Variants in SPECC1L observed in about 807,000 individuals in gnomAD.
The protein encoded by SPECC1L is sperm antigen with calponin homology and coiled-coil domains 1 like.
A neutral mutation model predicts 116.8 loss-of-function variants in SPECC1L; 40 were observed. The ratio of observed to expected loss-of-function variants is 0.34; its 90% CI spans 0.27 to 0.45. The LOEUF (loss-of-function observed/expected upper bound fraction) is 0.45. SPECC1L is among the 20% of genes least tolerant of loss of function. The probability of loss-of-function intolerance (pLI) is 1.00; values close to 1 mark genes in which losing one functional copy is unlikely to be tolerated. For synonymous variants in SPECC1L, 504 were observed against 500.6 expected, an observed-to-expected ratio of 1.01 and a Z score of -0.09; for missense variants, 1,110 against 1,373.6, an observed-to-expected ratio of 0.81 and a Z score of 3.03.
chr22:24,283,892 G>A (rs766375673), intron 2 of SPECC1L, among the ~76,000 whole-genome samples: 2 of 152,068 alleles, frequency 1.3e-5, no homozygotes, highest in Non-Finnish European at 2.9e-5. Context: ...GCATAAAGTG[G>A]TTTCTAACAG....
At chr22:24,295,959 A>G (rs2049253291) in intron 2 of SPECC1L, among the ~76,000 whole-genome samples, 2 of 152,232 alleles carry the variant, frequency 1.3e-5, no homozygotes, top group South Asian at 4.1e-4. Flanking sequence ...AAAAACAAAA[A>G]GTATACCAGC....
chr22:24,412,728 G>A (rs1294334120), intron 16 of SPECC1L, 21 bp downstream of exon 16: 1 of 1,612,890 alleles, frequency 6.2e-7, no homozygotes, highest in Non-Finnish European at 8.5e-7. Flanking sequence ...GTCCCCCTGA[G>A]TCACTGGCAG....
intron 14 of SPECC1L, among the ~76,000 whole-genome samples, chr22:24,399,330 G>A (rs1020264720): frequency 4.6e-5 from 7 of 152,210 alleles, no homozygotes; most frequent in African/African-American, 1.7e-4. Flanking sequence ...CAGCACTTTG[G>A]GAGGCCGAGG....
chr22:24,381,368 ATATTT>A (rs2042058509), intron 14 of SPECC1L, among the ~76,000 whole-genome samples: 1 of 152,242 alleles, frequency 6.6e-6, no homozygotes, highest in South Asian at 2.1e-4. Context: ...AATGAACAAA[ATATTT>A]TAGTGCTGCC....
At chr22:24,358,469 T>A (rs2041577003) in intron 11 of SPECC1L, among the ~76,000 whole-genome samples, 1 of 152,206 alleles carries the variant, frequency 6.6e-6, no homozygotes, top group African/African-American at 2.4e-5. Flanking sequence ...AGCAAGCAGT[T>A]AACTTGGCTC....
chr22:24,364,398 C>T (rs1462288988), intron 12 of SPECC1L, among the ~76,000 whole-genome samples: 1 of 152,130 alleles, frequency 6.6e-6, no homozygotes, highest in Non-Finnish European at 1.5e-5. Context: ...TGCGGTGGCT[C>T]ATGCCTGTAA....
intron 5 of SPECC1L, 32 bp downstream of exon 5, chr22:24,322,950 C>A (rs2040749860): frequency 1.1e-5 from 18 of 1,611,880 alleles, no homozygotes; most frequent in Non-Finnish European, 1.5e-5. Context: ...ATGTTCCGGA[C>A]AGCATTAGGC....
rs530724725 is a variant in SPECC1L, at chr22:24,404,369, A to G, written c.3088-7219A>G. Among the ~76,000 whole-genome samples, 58 of 152,288 alleles carry G rather than the reference A, an allele frequency of 3.8e-4. 3 individuals are homozygous for G. In the South Asian group the frequency reaches 0.012, roughly 31 times the overall value. ...TCAGCACCACCAAGCACCTTTGGGT[A>G]TCTCCAAGGTATCTTGAACTTAAGG... is the stretch of plus-strand genomic sequence containing the variant. On this transcript the variant is annotated intron_variant, in intron 14 of 16. Coordinates refer to ENST00000314328, the MANE Select transcript of SPECC1L (RefSeq NM_015330.6).
intron 14 of SPECC1L, among the ~76,000 whole-genome samples, chr22:24,386,325 GGAGGCT>G (rs1382570239): frequency 6.6e-6 from 1 of 152,028 alleles, no homozygotes; most frequent in Non-Finnish European, 1.5e-5. Flanking sequence ...AGCTCTATTG[GGAGGCT>G]GAGGCAGGAG....
chr22:24,358,155 C>T (rs184418905), intron 11 of SPECC1L, among the ~76,000 whole-genome samples: 1 of 148,478 alleles, frequency 6.7e-6, no homozygotes, highest in East Asian at 2.0e-4. Context: ...CACTCTGTCA[C>T]CCAGGTTGGA....
intron 4 of SPECC1L, among the ~76,000 whole-genome samples, chr22:24,316,610 A>G (rs1162906027): frequency 2.7e-5 from 4 of 149,500 alleles, no homozygotes; most frequent in African/African-American, 1.0e-4. Context: ...GTCACAGATC[A>G]ACAGGATCCC....
intron 10 of SPECC1L, 92 bp from the exon 11 acceptor site, chr22:24,346,994 G>A: frequency 9.9e-7 from 1 of 1,008,760 alleles, no homozygotes; most frequent in East Asian, 2.5e-5. Context: ...AATTAATACG[G>A]ATTTATAACT....
chr22:24,287,125 G>A (rs1372105236), intron 2 of SPECC1L, among the ~76,000 whole-genome samples: 2 of 152,196 alleles, frequency 1.3e-5, no homozygotes, highest in Admixed American at 1.3e-4. Flanking sequence ...TGATGCACGA[G>A]CAGTTATTTC....
At chr22:24,349,230 G>A (rs191783135) in intron 11 of SPECC1L, among the ~76,000 whole-genome samples, 9 of 152,214 alleles carry the variant, frequency 5.9e-5, no homozygotes, top group African/African-American at 2.2e-4. Context: ...TAGTAGAGAC[G>A]GGGTTTTGCC....
Position 24,322,860 on chromosome 22 carries a change from A to G in SPECC1L, c.1880A>G (p.Gln627Arg). 6.2e-7 allele frequency: 1 copy of G among 1,613,590 alleles called. No individual in the cohort carries two copies. The highest frequency in any genetic ancestry group is 1.1e-5 in the South Asian group (1 of 90,984). The change falls in exon 5 of 17, where the codon CAG becomes CGG. Residue 627 changes from glutamine to arginine, a missense_variant. By Grantham distance (43) the Gln-to-Arg change is conservative. Around this residue, in one of 4 missense-constraint regions of SPECC1L, gnomAD observed 575 missense variants for 682.4 expected, o/e 0.84. Coordinates refer to ENST00000314328, the MANE Select transcript of SPECC1L (RefSeq NM_015330.6). ...EKAETLASSL[Q>R]EDLAHTRNDA... Reference sequence around the variant, plus strand: ...GCAGAGACTTTGGCTAGTAGCTTGCAGGAAGATCTGGCTCATACCCGAAAT... The same window carrying G: ...GCAGAGACTTTGGCTAGTAGCTTGCGGGAAGATCTGGCTCATACCCGAAAT...
At chr22:24,317,062 G>T (rs550028943) in intron 4 of SPECC1L, among the ~76,000 whole-genome samples, 15 of 118,534 alleles carry the variant, frequency 1.3e-4, no homozygotes, top group Admixed American at 3.5e-4. Flanking sequence ...CCTCCCGGAG[G>T]GGGTGGCTGG....
intron 14 of SPECC1L, among the ~76,000 whole-genome samples, chr22:24,384,833 T>G (rs2042129480): frequency 6.6e-6 from 1 of 152,098 alleles, no homozygotes; most frequent in African/African-American, 2.4e-5. Context: ...TCCCAGCACT[T>G]TGGGAGGCCA....
chr22:24,376,923 A>C (rs1175999460), intron 14 of SPECC1L, among the ~76,000 whole-genome samples: 1 of 151,546 alleles, frequency 6.6e-6, no homozygotes, highest in African/African-American at 2.4e-5. Context: ...TTTTTTTTTA[A>C]GTGTATTCAG....
intron 4 of SPECC1L, among the ~76,000 whole-genome samples, chr22:24,315,181 T>C (rs1005209044): frequency 6.6e-6 from 1 of 152,260 alleles, no homozygotes; most frequent in Non-Finnish European, 1.5e-5. Context: ...AGCCCAGGAT[T>C]ACCTACTGTC....
Sources: allele counts gnomAD v4.1 joint callset (sites outside exome capture counted in the v4.1 genomes callset), GRCh38; gene constraint gnomAD v4.1.1; regional missense constraint gnomAD v4.1.1; transcripts MANE v1.5; gene names NCBI Gene and HGNC (gene_info 2026-07-23, HGNC 2026-07-21).